CEP135: variants seen among roughly 807,000 people sequenced by gnomAD.
CEP135 encodes the protein centrosomal protein of 135 kDa.
CEP135 carries 142 observed loss-of-function variants against 157.3 expected under a neutral mutation model. That is an observed-to-expected ratio of 0.90 (90% CI 0.79 to 1.04). CEP135 has a LOEUF of 1.04. Ranked by LOEUF, CEP135 falls within the 50% of genes least tolerant of loss-of-function variation. The probability of loss-of-function intolerance (pLI) is 0.00; values close to 1 mark genes in which losing one functional copy is unlikely to be tolerated. For missense variants in CEP135, 1,317 were observed against 1,309.2 expected (o/e 1.01, Z -0.09); for synonymous variants, 396 against 439.8 (o/e 0.90, Z 1.25).
At chr4:55,993,851 T>G (rs537465420) in intron 15 of CEP135, among the ~76,000 whole-genome samples, 1 of 152,242 alleles carries the variant, frequency 6.6e-6, no homozygotes, top group Non-Finnish European at 1.5e-5. Flanking sequence ...TTTTCTCTTA[T>G]GAGCTCAATC....
chr4:55,966,203 T>TA (rs1728839758), intron 8 of CEP135: 1 of 189,864 alleles, frequency 5.3e-6, no homozygotes, highest in African/African-American at 2.4e-5. Context: ...TGCTCAAGAA[T>TA]CCTTTTTTTT....
rs1048896102 is a variant in CEP135 at position 55,952,143 on chromosome 4, G to A, written c.13G>A (p.Val5Ile). 1.9e-6 allele frequency: 3 copies of A among 1,602,610 alleles called. No individual in the cohort carries two copies. The highest frequency in any genetic ancestry group is 1.3e-5 in the African/African-American group (1 of 74,710). The change falls in exon 2 of 26, where the codon GTA becomes ATA. Residue 5 changes from valine to isoleucine, a missense_variant. By Grantham distance (29) the Val-to-Ile change is conservative (BLOSUM62 3). Transcript: ENST00000257287. MTTA[V>I]ERKYINIRKR... ...TTTAGAAGACGAGATGACTACAGCT[G>A]TAGAGAGAAAGTATATTAATATTAG...
chr4:56,013,278 G>A (rs528389892), intron 21 of CEP135, among the ~76,000 whole-genome samples: 1 of 152,174 alleles, frequency 6.6e-6, no homozygotes, highest in South Asian at 2.1e-4. Flanking sequence ...ACATATTCTG[G>A]AGATTAATAC....
In CEP135 at chr4:56,017,923, T is replaced by C. The variant is rs539039252; in HGVS notation, c.3012+66T>C. The C allele has an allele frequency of 4.3e-5, 57 of 1,327,440 alleles. 1 individual carries two copies. In the African/African-American group the frequency reaches 8.0e-4, roughly 19 times the overall value. 82.2% of individuals were successfully genotyped at this position (1,327,440 alleles called of 1,614,324 possible). ...CCCTACTCTAATTATTTTACTTTAGTATTCACCACACCATGCATATACTTG... is the reference window on the plus strand; with the variant it reads ...CCCTACTCTAATTATTTTACTTTAGCATTCACCACACCATGCATATACTTG... On this transcript the variant is annotated intron_variant, in intron 22 of 25. Coordinates refer to ENST00000257287, the MANE Select transcript of CEP135 (RefSeq NM_025009.5).
At chr4:56,015,008 C>T (rs1208518992) in intron 21 of CEP135, among the ~76,000 whole-genome samples, 1 of 152,042 alleles carries the variant, frequency 6.6e-6, no homozygotes. Context: ...TGCCACTGCA[C>T]TCCAGCCTGG....
At chr4:55,998,440 G>A (rs1730050335) in intron 15 of CEP135, among the ~76,000 whole-genome samples, 2 of 152,096 alleles carry the variant, frequency 1.3e-5, no homozygotes, top group African/African-American at 4.8e-5. Flanking sequence ...AACCATGTAG[G>A]CCGCTGTACA....
At chr4:55,992,881 TCAGAGTAG>T (rs1729840330) in intron 15 of CEP135, among the ~76,000 whole-genome samples, 1 of 152,186 alleles carries the variant, frequency 6.6e-6, no homozygotes, top group Non-Finnish European at 1.5e-5. Context: ...TTTTTTCTGA[TCAGAGTAG>T]CTGCAATAAG....
chr4:55,969,117 A>G lies in CEP135; in HGVS notation c.1099A>G (p.Lys367Glu), dbSNP rs146055907. ...EMQDLEETMA[K>E]LQLELNLCQK... ...GCAGGATCTTGAAGAAACAATGGCA[A>G]AACTTCAGCTGGTAAGTTGATGTCA... The change falls in exon 9 of 26, where the codon AAA becomes GAA. Residue 367 changes from lysine (K) to glutamate (E), a missense_variant. Coordinates refer to ENST00000257287, the MANE Select transcript of CEP135 (RefSeq NM_025009.5). 9 of 1,612,400 alleles carry G rather than the reference A, an allele frequency of 5.6e-6. No individual in the cohort carries two copies. Among genetic ancestry groups the G allele is most frequent in the Middle Eastern group, 1.6e-4 (1 of 6,064 alleles).
chr4:55,971,181 A>T, intron 9 of CEP135, 89 bp from the exon 10 acceptor site: 2 of 974,348 alleles, frequency 2.1e-6, no homozygotes, highest in Non-Finnish European at 3.0e-6. Context: ...AATTGCTGTT[A>T]TATAAATGTG....
intron 15 of CEP135, among the ~76,000 whole-genome samples, chr4:55,997,635 G>A (rs994978011): frequency 6.6e-6 from 1 of 152,134 alleles, no homozygotes; most frequent in African/African-American, 2.4e-5. Flanking sequence ...TTGTTATAAT[G>A]TTAGACTAGC....
intron 21 of CEP135, among the ~76,000 whole-genome samples, chr4:56,014,259 G>C (rs1245319297): frequency 6.6e-6 from 1 of 152,090 alleles, no homozygotes; most frequent in Non-Finnish European, 1.5e-5. Flanking sequence ...ACAAACACCT[G>C]AAAATATGAA....
Position 56,011,438 on chromosome 4 carries a change from A to G in CEP135, c.2532A>G (p.Ala844=). The G allele has an allele frequency of 6.2e-7, 1 of 1,611,850 alleles. No individual in the cohort carries two copies. Among genetic ancestry groups the G allele is most frequent in the Non-Finnish European group, 8.5e-7 (1 of 1,179,316 alleles). ...AAATCTCATTGGAATTGGAAGCAGC[A>G]GTGCAAGAAAAAGAAGAAATGAAGA... The part of the protein sequence containing the change: ...NQEISLELEA[A]VQEKEEMKSR... The change falls in exon 20 of 26, where the codon GCA becomes GCG. Residue 844 remains alanine (A), a synonymous_variant. Transcript: ENST00000257287.
At chr4:56,025,603 C>T (rs527654893) in intron 25 of CEP135, among the ~76,000 whole-genome samples, 1 of 152,038 alleles carries the variant, frequency 6.6e-6, no homozygotes, top group Admixed American at 6.6e-5. Context: ...AACGTCAGTC[C>T]TCCTGTGTAT....
chr4:56,011,792 TA>T lies in CEP135; in HGVS notation c.2617-5del, dbSNP rs775975159. The T allele has an allele frequency of 4.5e-6, 7 of 1,568,524 alleles. No homozygotes were observed. The South Asian group carries it at 8.4e-5, about 19-fold the overall frequency. Reference sequence around the variant, plus strand: ...AATTTAGAAACAATTTTATTGTGATTAAACCAGGAAAAAGAAAATCAAGATT... The same window carrying T: ...AATTTAGAAACAATTTTATTGTGATTAACCAGGAAAAAGAAAATCAAGATT... On this transcript the variant is annotated splice_polypyrimidine_tract_variant and splice_region_variant and intron_variant, in intron 20 of 25. Coordinates refer to ENST00000257287, the MANE Select transcript of CEP135 (RefSeq NM_025009.5).
intron 14 of CEP135, among the ~76,000 whole-genome samples, chr4:55,991,319 T>C (rs988855365): frequency 8.2e-6 from 1 of 121,636 alleles, no homozygotes; most frequent in Non-Finnish European, 1.7e-5. Flanking sequence ...TGTTTTTTTC[T>C]TTTTTTTTTT....
chr4:55,999,322 A>G lies in CEP135; in HGVS notation c.2030A>G (p.Gln677Arg). 6.2e-7 allele frequency: 1 copy of G among 1,614,070 alleles called. No individual in the cohort carries two copies. Among genetic ancestry groups the G allele is most frequent in the Non-Finnish European group, 8.5e-7 (1 of 1,179,930 alleles). ...NSLRIVNEQL[Q>R]RSVDDYQHRL... ...TTTAGGATAGTGAATGAGCAGCTAC[A>G]GCGGTCAGTTGATGACTATCAGCAC... The change falls in exon 16 of 26, where the codon CAG becomes CGG. Residue 677 changes from glutamine (Q) to arginine (R), a missense_variant. By Grantham distance (43) the Gln-to-Arg change is conservative. Coordinates refer to ENST00000257287, the MANE Select transcript of CEP135 (RefSeq NM_025009.5).
intron 15 of CEP135, among the ~76,000 whole-genome samples, chr4:55,998,644 T>G (rs1481912162): frequency 6.6e-6 from 1 of 152,112 alleles, no homozygotes; most frequent in Non-Finnish European, 1.5e-5. Context: ...GCAGATGGAT[T>G]GCTTGAGCTC....
chr4:55,990,032 C>G lies in CEP135; in HGVS notation c.1858-1902C>G, dbSNP rs564294524. On this transcript the variant is annotated intron_variant, in intron 14 of 25. Transcript: ENST00000257287. ...CATATTGTCTGTGACTGCTTTTGTG[C>G]TGTGATGGAGTAGTGGTGACTGATC... is the stretch of plus-strand genomic sequence containing the variant. Among the ~76,000 whole-genome samples the G allele has an allele frequency of 1.6e-4, 25 of 152,304 alleles. No homozygotes were observed. The East Asian group carries it at 4.6e-3, about 28-fold the overall frequency.
At position 56,026,858 on chromosome 4, in the gene CEP135, A is replaced by G. The variant is rs1021707702; in HGVS notation, c.*11+2244A>G. On this transcript the variant is annotated intron_variant, in intron 25 of 25. Transcript: ENST00000257287. ...CAGGTAGTGACTGTGGAAAATGCAT[A>G]CTCATTGACAGAAATAGTTATGCCA... 3.0e-4 allele frequency among the ~76,000 whole-genome samples: 46 copies of G among 152,204 alleles called. 1 individual carries two copies. Among genetic ancestry groups the G allele is most frequent in the African/African-American group, 1.0e-3 (42 of 41,458 alleles).
Sources: allele counts gnomAD v4.1 joint callset (sites outside exome capture counted in the v4.1 genomes callset), GRCh38; gene constraint gnomAD v4.1.1; transcripts MANE v1.5; gene names NCBI Gene and HGNC (gene_info 2026-07-23, HGNC 2026-07-21).